CCDC88C: variants seen among roughly 807,000 people sequenced by gnomAD.
CCDC88C encodes the protein protein Daple.
Under a neutral mutation model 198.8 loss-of-function variants are expected in CCDC88C, and 131 were observed. That is an observed-to-expected ratio of 0.66 (90% CI 0.57 to 0.76). The LOEUF (loss-of-function observed/expected upper bound fraction) is 0.76. Ranked by LOEUF, CCDC88C falls within the 30% of genes least tolerant of loss-of-function variation. CCDC88C has a pLI of 0.00. For synonymous variants in CCDC88C, 1,166 were observed against 1,114.7 expected (o/e 1.05, Z -0.92); for missense variants, 2,553 against 2,631.6 (o/e 0.97, Z 0.65).
At chr14:91,360,818 C>T (rs1894273907) in intron 3 of CCDC88C, among the ~76,000 whole-genome samples, 1 of 152,180 alleles carries the variant, frequency 6.6e-6, no homozygotes, top group African/African-American at 2.4e-5. Context: ...GTCTTCTGTG[C>T]CTAGATGCAG....
intron 3 of CCDC88C, among the ~76,000 whole-genome samples, chr14:91,392,070 C>T (rs1419537114): frequency 2.6e-5 from 4 of 152,074 alleles, no homozygotes; most frequent in South Asian, 2.1e-4. Context: ...TTGGCTGTTC[C>T]TGACTCTCTA....
intron 23 of CCDC88C, 129 bp downstream of exon 23, chr14:91,294,044 T>G: frequency 3.1e-6 from 3 of 981,560 alleles, no homozygotes; most frequent in Non-Finnish European, 4.7e-6. Context: ...GTGATCGGTC[T>G]GTGCCCTGCC....
intron 1 of CCDC88C, 74 bp from the exon 2 acceptor site, chr14:91,416,912 G>T: frequency 9.5e-7 from 1 of 1,050,928 alleles, no homozygotes; most frequent in Non-Finnish European, 1.4e-6. Flanking sequence ...GCTCTCCCAG[G>T]CAGAGACTGG....
chr14:91,339,526 C>A lies in CCDC88C; in HGVS notation c.625-64G>T. 6.8e-7 allele frequency: 1 copy of A among 1,470,190 alleles called. No individual in the cohort carries two copies. The highest frequency in any genetic ancestry group is 9.2e-7 in the Non-Finnish European group (1 of 1,083,942). The allele number at this position is 1,470,190 out of a possible 1,614,324, so 91.1% of individuals were successfully genotyped here. On this transcript the variant is annotated intron_variant, in intron 7 of 29. Transcript: ENST00000389857. This position sits in a 1 kb window ranked among gnomAD's most constrained non-coding sequence, Gnocchi z 5.8. ...GGGGTTAACCAGCACAACGCCTGAG[C>A]TTGAACAGGGTGAAGAAACCGCCAA...
At chr14:91,361,288 C>T (rs1666491383) in intron 3 of CCDC88C, among the ~76,000 whole-genome samples, 1 of 152,114 alleles carries the variant, frequency 6.6e-6, no homozygotes, top group Non-Finnish European at 1.5e-5. Context: ...TTTCGTAAGT[C>T]GCTCTATTGC....
In CCDC88C at chr14:91,303,913, G is replaced by T. The variant is rs543071877; in HGVS notation, c.3423C>A (p.Asn1141Lys). Residue 1141 changes from asparagine to lysine, a missense_variant, in exon 20 of 30, where the codon AAC (asparagine) becomes AAA (lysine). This residue lies in a region of CCDC88C where 1,293 missense variants were observed against 1,219.6 expected (regional missense o/e 1.06). Coordinates refer to ENST00000389857, the MANE Select transcript of CCDC88C (RefSeq NM_001080414.4). ...ALTAQYTLLQ[N>K]HHTAKETENE... ...TCTCCGTCTCCTTGGCCGTGTGGTG[G>T]TTCTGCAGCAGCGTGTACTGCGCGG... 4 of 1,612,434 alleles carry T rather than the reference G, an allele frequency of 2.5e-6. No homozygotes were observed. In the Admixed American group the frequency reaches 6.7e-5, roughly 27 times the overall value.
intron 1 of CCDC88C, chr14:91,417,428 C>G: frequency 1.7e-6 from 1 of 571,974 alleles, no homozygotes; most frequent in South Asian, 2.1e-5. Flanking sequence ...CCGCGCCGGA[C>G]GCACAACGGG....
At chr14:91,379,457 T>G in intron 3 of CCDC88C, 1 of 261,082 alleles carries the variant, frequency 3.8e-6, no homozygotes, top group South Asian at 5.3e-5. Context: ...CAGACCTGTG[T>G]GTACAGGATG....
chr14:91,328,826 C>A (rs894028860), intron 10 of CCDC88C, among the ~76,000 whole-genome samples: 20 of 152,186 alleles, frequency 1.3e-4, no homozygotes, highest in African/African-American at 4.6e-4. Context: ...ACAGAGCACC[C>A]CCAGCACTCC....
intron 1 of CCDC88C, chr14:91,417,062 C>T (rs1421984331): frequency 1.4e-6 from 1 of 702,276 alleles, no homozygotes; most frequent in South Asian, 1.5e-5. Context: ...ACTTCCTCGC[C>T]ACTTTTCTCC....
intron 20 of CCDC88C, 100 bp from the exon 21 acceptor site, chr14:91,300,170 G>C: frequency 6.8e-7 from 1 of 1,476,538 alleles, no homozygotes; most frequent in Non-Finnish European, 9.1e-7. Context: ...TGAGAAAATG[G>C]GATTCCTCTG....
rs181938142 is a variant in CCDC88C at position 91,299,968 on chromosome 14, G to A, written c.3738C>T (p.Leu1246=). 1.4e-5 allele frequency: 22 copies of A among 1,593,940 alleles called. No homozygotes were observed. The Middle Eastern group carries it at 6.7e-4, about 48-fold the overall frequency. ...GCAGCCTCTGGTTCTCGCCCATGGC[G>A]AGGGCGTTTGTCCTCTGCTCCTGCT... is the stretch of plus-strand genomic sequence containing the variant. ...ALQQEQRTNA[L]AMGENQRLRG... is the part of the protein sequence containing the mutation. Residue 1246 remains leucine (L), a synonymous_variant, in exon 21 of 30, where the codon CTC becomes CTT. Coordinates refer to ENST00000389857, the MANE Select transcript of CCDC88C (RefSeq NM_001080414.4).
intron 3 of CCDC88C, among the ~76,000 whole-genome samples, chr14:91,365,932 T>C (rs1267471109): frequency 2.0e-5 from 3 of 152,094 alleles, no homozygotes; most frequent in African/African-American, 7.2e-5. Context: ...CATAATTGTA[T>C]GTACAGTAGG....
intron 23 of CCDC88C, among the ~76,000 whole-genome samples, chr14:91,293,066 A>T (rs369699845): frequency 6.9e-6 from 1 of 145,740 alleles, no homozygotes; most frequent in Non-Finnish European, 1.5e-5. Flanking sequence ...CTGTCCCCTC[A>T]CCTGCCACAG....
chr14:91,348,374 A>G (rs1238094574), intron 4 of CCDC88C, among the ~76,000 whole-genome samples: 1 of 146,972 alleles, frequency 6.8e-6, no homozygotes, highest in East Asian at 2.0e-4. Context: ...ACTATTTGGG[A>G]GGCTGAGGTA....
intron 3 of CCDC88C, among the ~76,000 whole-genome samples, chr14:91,372,981 T>C (rs1249288186): frequency 6.6e-6 from 1 of 151,896 alleles, no homozygotes; most frequent in Non-Finnish European, 1.5e-5. Context: ...CGACACACCA[T>C]CCTCCCTCCT....
At chr14:91,297,261 G>A (rs752519798) in intron 22 of CCDC88C, 44 bp downstream of exon 22, 20 of 1,586,626 alleles carry the variant, frequency 1.3e-5, no homozygotes, top group Non-Finnish European at 1.6e-5. Context: ...TCCCCTTGGG[G>A]GACTCATCCC....
At chr14:91,350,309 C>A (rs1893732132) in intron 4 of CCDC88C, among the ~76,000 whole-genome samples, 1 of 152,014 alleles carries the variant, frequency 6.6e-6, no homozygotes, top group Non-Finnish European at 1.5e-5. Flanking sequence ...TACAGGCACC[C>A]ACCACCACGC....
In CCDC88C at chr14:91,297,409, T is replaced by C. The variant is rs1156625812; in HGVS notation, c.3862A>G (p.Asn1288Asp). The stretch of plus-strand genomic sequence containing the variant: ...CAGCGGTTGAGCTCCAGCTGCGCGT[T>C]GTTCAGTGAGGTTTTCAGCTCCTTG... ...HTKELKTSLN[N>D]AQLELNRWQA... The change falls in exon 22 of 30, where the codon AAC becomes GAC. Residue 1288 changes from asparagine (N) to aspartate (D), a missense_variant. Physicochemically the swap from Asn to Asp is conservative, Grantham distance 23. Transcript: ENST00000389857. 6.2e-7 allele frequency: 1 copy of C among 1,611,126 alleles called. No individual in the cohort carries two copies. The highest frequency in any genetic ancestry group is 8.5e-7 in the Non-Finnish European group (1 of 1,178,684).
Sources: gnomAD v4.1 joint callset for allele counts (sites outside exome capture counted in the v4.1 genomes callset) on GRCh38, gnomAD v4.1.1 for gene constraint, gnomAD v4.1.1 regional missense constraint, Gnocchi (gnomAD v3.1) non-coding constraint, MANE v1.5 for transcripts, NCBI Gene and HGNC (gene_info 2026-07-23, HGNC 2026-07-21) for gene names.